Variants in MSI2 observed in about 807,000 individuals in gnomAD.
MSI2 encodes the protein musashi RNA binding protein 2, also known as RNA-binding protein Musashi homolog 2.
Under a neutral mutation model 45.6 loss-of-function variants are expected in MSI2, and 17 were observed. That is an observed-to-expected ratio of 0.37 (90% CI 0.26 to 0.56). The LOEUF (loss-of-function observed/expected upper bound fraction) is 0.56. Ranked by LOEUF, MSI2 falls within the 20% of genes least tolerant of loss-of-function variation. The pLI, the probability that MSI2 is intolerant of heterozygous loss-of-function variation, is 0.77. For missense variants in MSI2, 293 were observed against 444.2 expected, an observed-to-expected ratio of 0.66 and a Z score of 3.06; for synonymous variants, 156 against 158.2, an observed-to-expected ratio of 0.99 and a Z score of 0.11.
intron 6 of MSI2, among the ~76,000 whole-genome samples, chr17:57,465,989 G>C (rs950924759): frequency 1.3e-5 from 2 of 152,154 alleles, no homozygotes; most frequent in African/African-American, 4.8e-5. Context: ...GCTTACAACT[G>C]TAATAAATTT....
the MSI2 span, among the ~76,000 whole-genome samples, chr17:57,699,014 GGAGAGAGAGA>G: frequency 0.094 from 2,206 of 23,560 alleles, 457 homozygotes; most frequent in African/African-American, 0.13. Context: ...GAAGAGGCGA[GGAGAGAGAGA>G]GAGAGAGAGA....
intron 7 of MSI2, among the ~76,000 whole-genome samples, chr17:57,573,316 G>A (rs1376518789): frequency 7.5e-6 from 1 of 133,156 alleles, no homozygotes; most frequent in Non-Finnish European, 1.6e-5. Flanking sequence ...TGATCCCTTA[G>A]GATGTGTCGT....
chr17:57,414,298 C>T (rs1280093728), intron 6 of MSI2, among the ~76,000 whole-genome samples: 1 of 152,178 alleles, frequency 6.6e-6, no homozygotes, highest in African/African-American at 2.4e-5. Context: ...GTAGTTGGTG[C>T]TCAGTAAACA....
chr17:57,507,884 G>A lies in MSI2; in HGVS notation c.406-21792G>A, dbSNP rs138177679. Reference sequence around the variant, plus strand: ...TGGTGTCGATCTCCTGGCCTCAAGCGATCCTCCCACCTCAGCCTCCCAAAG... The same window carrying A: ...TGGTGTCGATCTCCTGGCCTCAAGCAATCCTCCCACCTCAGCCTCCCAAAG... On this transcript the variant is annotated intron_variant, in intron 6 of 13. Coordinates refer to ENST00000284073, the MANE Select transcript of MSI2 (RefSeq NM_138962.4). Among the ~76,000 whole-genome samples, 121 of 151,916 alleles carry A rather than the reference G, an allele frequency of 8.0e-4. 1 individual carries two copies. The highest frequency in any genetic ancestry group is 2.8e-3 in the African/African-American group (115 of 41,406).
At chr17:57,693,042 A>G in the MSI2 span, among the ~76,000 whole-genome samples, 1 of 150,930 alleles carries the variant, frequency 6.6e-6, no homozygotes, top group East Asian at 1.9e-4. Context: ...CCTCTGTCCC[A>G]TTCTCTTTCT....
intron 5 of MSI2, among the ~76,000 whole-genome samples, chr17:57,326,467 C>G (rs868729): frequency 0.033 from 4,962 of 152,230 alleles, 285 homozygotes; most frequent in African/African-American, 0.11. Context: ...AGATATAGGT[C>G]TGTATTTCTT....
At chr17:57,365,870 A>G (rs1453418936) in intron 5 of MSI2, among the ~76,000 whole-genome samples, 1 of 152,132 alleles carries the variant, frequency 6.6e-6, no homozygotes, top group Non-Finnish European at 1.5e-5. Flanking sequence ...TATCTTCTAC[A>G]GATTGTGGCA....
At chr17:57,400,823 G>A (rs1351234545) in intron 5 of MSI2, among the ~76,000 whole-genome samples, 2 of 151,952 alleles carry the variant, frequency 1.3e-5, no homozygotes, top group Non-Finnish European at 2.9e-5. Flanking sequence ...GGTGAATCAA[G>A]ATGAATCACA....
chr17:57,681,144 C>T lies in MSI2; in HGVS notation c.*1627C>T, dbSNP rs1913572880. The T allele has an allele frequency of 5.4e-6, 1 of 186,164 alleles. No individual in the cohort carries two copies. The highest frequency in any genetic ancestry group is 1.1e-5 in the Non-Finnish European group (1 of 88,150). 11.5% of individuals were successfully genotyped at this position (186,164 alleles called of 1,614,324 possible). A position where few individuals can be genotyped will look rare whatever the true frequency, so the allele number is the denominator to read the frequency against. On this transcript the variant is annotated 3_prime_UTR_variant, in exon 14 of 14. Coordinates refer to ENST00000284073, the MANE Select transcript of MSI2 (RefSeq NM_138962.4). The stretch of plus-strand genomic sequence containing the variant: ...ACTGCACTGTGACTGGTGGGAAAAA[C>T]TGACAGTTTCCTCTTTGCACATGTT...
downstream of MSI2, among the ~76,000 whole-genome samples, chr17:57,686,864 A>C (rs1913894184): frequency 6.6e-6 from 1 of 152,210 alleles, no homozygotes; most frequent in African/African-American, 2.4e-5. Flanking sequence ...AAATAAAGAC[A>C]TAGAAGAATT....
At chr17:57,403,933 G>GCACA (rs58718271) in intron 6 of MSI2, among the ~76,000 whole-genome samples, 180 of 149,184 alleles carry the variant, frequency 1.2e-3, no homozygotes, top group African/African-American at 4.3e-3. Context: ...GAATGAATGT[G>GCACA]CACACACACA....
At chr17:57,517,192 G>A in intron 6 of MSI2, among the ~76,000 whole-genome samples, 1 of 152,208 alleles carries the variant, frequency 6.6e-6, no homozygotes, top group East Asian at 1.9e-4. Context: ...TCAGGACCAG[G>A]ACTGGGAAAC....
chr17:57,374,962 T>C (rs1236924900), intron 5 of MSI2, among the ~76,000 whole-genome samples: 1 of 152,144 alleles, frequency 6.6e-6, no homozygotes, highest in Non-Finnish European at 1.5e-5. Context: ...TAGTGAGACT[T>C]CAGGACATCC....
At chr17:57,415,772 G>A (rs563998369) in intron 6 of MSI2, among the ~76,000 whole-genome samples, 1 of 152,056 alleles carries the variant, frequency 6.6e-6, no homozygotes, top group South Asian at 2.1e-4. Flanking sequence ...CAAATGGACG[G>A]TTTTTGGACC....
chr17:57,414,591 A>G (rs2084259607), intron 6 of MSI2, among the ~76,000 whole-genome samples: 1 of 152,042 alleles, frequency 6.6e-6, no homozygotes, highest in Admixed American at 6.6e-5. Context: ...ATGTTTCGCC[A>G]TGTTGGCCAG....
intron 5 of MSI2, among the ~76,000 whole-genome samples, chr17:57,363,311 G>T (rs995098788): frequency 6.6e-6 from 1 of 152,202 alleles, no homozygotes; most frequent in Non-Finnish European, 1.5e-5. Flanking sequence ...CAAATCCATA[G>T]AGCTCCCCAC....
intron 6 of MSI2, among the ~76,000 whole-genome samples, chr17:57,491,029 C>T (rs745659268): frequency 1.4e-4 from 22 of 152,172 alleles, no homozygotes; most frequent in African/African-American, 2.4e-4. Context: ...GTGGGGAGGA[C>T]GGATGGGAGG....
At chr17:57,614,909 G>GA (rs35259957) in intron 8 of MSI2, among the ~76,000 whole-genome samples, 1 of 152,150 alleles carries the variant, frequency 6.6e-6, no homozygotes, top group Non-Finnish European at 1.5e-5. Flanking sequence ...AAGGGAAACA[G>GA]AAAGGGGAGA....
At chr17:57,372,420 C>T (rs1251409570) in intron 5 of MSI2, among the ~76,000 whole-genome samples, 1 of 152,168 alleles carries the variant, frequency 6.6e-6, no homozygotes, top group Non-Finnish European at 1.5e-5. Flanking sequence ...AAGATTCCTG[C>T]TGTCTTTTTA....
Sources: allele counts gnomAD v4.1 joint callset (sites outside exome capture counted in the v4.1 genomes callset), GRCh38; gene constraint gnomAD v4.1.1; transcripts MANE v1.5; gene names NCBI Gene and HGNC (gene_info 2026-07-23, HGNC 2026-07-21).